Variants in RNF2 observed in about 807,000 individuals in gnomAD.
RNF2 encodes E3 ubiquitin-protein ligase RING2.
A neutral mutation model predicts 37.2 loss-of-function variants in RNF2; 6 were observed. The ratio of observed to expected loss-of-function variants is 0.16; its 90% CI spans 0.09 to 0.32. RNF2 has a LOEUF of 0.32. Among genes scored for constraint, RNF2 ranks in the 10% least tolerant of loss-of-function variants. The probability of loss-of-function intolerance (pLI) is 1.00; values close to 1 mark genes in which losing one functional copy is unlikely to be tolerated. For missense variants in RNF2, 251 were observed against 404.0 expected (o/e 0.62, Z 3.25); for synonymous variants, 133 against 132.7 (o/e 1.00, Z -0.02).
intron 4 of RNF2, 134 bp from the exon 5 acceptor site, chr1:185,097,938 A>G (rs745893862): frequency 1.1e-6 from 1 of 886,008 alleles, no homozygotes; most frequent in Non-Finnish European, 1.7e-6. Flanking sequence ...GGGAAACAAT[A>G]TCATCCAACT....
chr1:185,102,183 G>C lies in RNF2; in HGVS notation c.*1882G>C, dbSNP rs1652097088. On this transcript the variant is annotated 3_prime_UTR_variant, in exon 7 of 7. Transcript: ENST00000367510. ...AAACTGCATCATTAGTGAAATTATT[G>C]GTTGTGTAATCCTTTGTGAAATATA... 6.6e-6 allele frequency: 1 copy of C among 152,356 alleles called. No homozygotes were observed. Among genetic ancestry groups the C allele is most frequent in the South Asian group, 2.1e-4 (1 of 4,832 alleles). The allele number at this position is 152,356 out of a possible 1,614,324, so 9.4% of individuals were successfully genotyped here. A position where few individuals can be genotyped will look rare whatever the true frequency, so the allele number is the denominator to read the frequency against.
At chr1:185,057,735 C>CATGGTTTGT (rs1334169394) in intron 1 of RNF2, among the ~76,000 whole-genome samples, 34 of 151,678 alleles carry the variant, frequency 2.2e-4, no homozygotes, top group Middle Eastern at 6.8e-3. Flanking sequence ...CAAATACAGT[C>CATGGTTTGT]ATCCGTCTGT....
chr1:185,067,898 A>G (rs188680723), intron 1 of RNF2, among the ~76,000 whole-genome samples: 293 of 151,562 alleles, frequency 1.9e-3, no homozygotes, highest in Admixed American at 3.3e-3. Context: ...TTTAATACAG[A>G]TGGGGTTTCA....
chr1:185,100,001 A>G (rs771073687), intron 6 of RNF2, 39 bp downstream of exon 6: 29 of 1,559,286 alleles, frequency 1.9e-5, no homozygotes, highest in Non-Finnish European at 2.5e-5. Flanking sequence ...AACTGGGAGC[A>G]CACTGACCAA....
At position 185,100,830 on chromosome 1, in the gene RNF2, T is replaced by C. The variant is rs1278717658; in HGVS notation, c.*529T>C. ...AATTCTCATAGGATTATTCTTTTCA[T>C]GGTATTTTCTTCCATAATATCTCAT... is the stretch of plus-strand genomic sequence containing the variant. On this transcript the variant is annotated 3_prime_UTR_variant, in exon 7 of 7. Coordinates refer to ENST00000367510, the MANE Select transcript of RNF2 (RefSeq NM_007212.4). The C allele has an allele frequency of 1.3e-5, 2 of 152,476 alleles. No individual in the cohort carries two copies. Among genetic ancestry groups the C allele is most frequent in the African/African-American group, 4.8e-5 (2 of 41,444 alleles). The allele number at this position is 152,476 out of a possible 1,614,324, so 9.4% of individuals were successfully genotyped here.
At chr1:185,077,625 G>GTTTTTTTTTT (rs528747420) in intron 1 of RNF2, among the ~76,000 whole-genome samples, 8 of 115,668 alleles carry the variant, frequency 6.9e-5, no homozygotes, top group African/African-American at 1.6e-4. Flanking sequence ...AATTAACTTT[G>GTTTTTTTTTT]TTTTTTTTTT....
At chr1:185,068,317 A>G (rs1650861794) in intron 1 of RNF2, among the ~76,000 whole-genome samples, 1 of 152,172 alleles carries the variant, frequency 6.6e-6, no homozygotes, top group Non-Finnish European at 1.5e-5. Flanking sequence ...AGATATCTAC[A>G]TTCTGGTCTC....
intron 1 of RNF2, among the ~76,000 whole-genome samples, chr1:185,060,290 CATT>C (rs1171523000): frequency 2.6e-5 from 4 of 152,144 alleles, no homozygotes; most frequent in African/African-American, 9.7e-5. Context: ...TGATCTGTAT[CATT>C]AAGTCTACAG....
chr1:185,055,873 G>A (rs1650420758), intron 1 of RNF2, among the ~76,000 whole-genome samples: 1 of 152,038 alleles, frequency 6.6e-6, no homozygotes, highest in Non-Finnish European at 1.5e-5. Flanking sequence ...GCATATTTGT[G>A]AAGAAAACAG....
At chr1:185,063,743 T>C (rs930088733) in intron 1 of RNF2, among the ~76,000 whole-genome samples, 8 of 152,200 alleles carry the variant, frequency 5.3e-5, no homozygotes, top group Admixed American at 5.2e-4. Context: ...GAATTCATTT[T>C]CTTTCATTTT....
At chr1:185,089,534 A>G (rs1235071024) in intron 2 of RNF2, among the ~76,000 whole-genome samples, 3 of 152,180 alleles carry the variant, frequency 2.0e-5, no homozygotes, top group African/African-American at 7.2e-5. Flanking sequence ...GGTTGATTGG[A>G]ATCATGGTGC....
At chr1:185,051,417 A>T (rs552302922) in intron 1 of RNF2, among the ~76,000 whole-genome samples, 51 of 152,342 alleles carry the variant, frequency 3.3e-4, no homozygotes, top group African/African-American at 1.2e-3. Flanking sequence ...TAAAAAAAAT[A>T]AAAAATGCCA....
intron 4 of RNF2, among the ~76,000 whole-genome samples, chr1:185,096,284 T>G (rs1651907885): frequency 6.6e-6 from 1 of 152,232 alleles, no homozygotes; most frequent in African/African-American, 2.4e-5. Context: ...ATTTTCCATC[T>G]TAACCATTTG....
At chr1:185,100,084 G>C in intron 6 of RNF2, 116 bp from the exon 7 acceptor site, 1 of 1,191,176 alleles carries the variant, frequency 8.4e-7, no homozygotes, top group East Asian at 2.4e-5. Flanking sequence ...TAAGTGACAA[G>C]TAGTTATTCC....
chr1:185,076,315 G>T (rs1221702588), intron 1 of RNF2, among the ~76,000 whole-genome samples: 2 of 40,946 alleles, frequency 4.9e-5, no homozygotes, highest in Admixed American at 3.5e-4. Context: ...TTTTGAGACA[G>T]AGTCTCATTC....
At chr1:185,068,095 C>T (rs1350160533) in intron 1 of RNF2, among the ~76,000 whole-genome samples, 1 of 152,040 alleles carries the variant, frequency 6.6e-6, no homozygotes, top group African/African-American at 2.4e-5. Context: ...CCTCTGCCTC[C>T]CAGGTTCAAG....
intron 1 of RNF2, among the ~76,000 whole-genome samples, chr1:185,074,835 AG>A (rs1470797958): frequency 6.6e-6 from 1 of 152,092 alleles, no homozygotes; most frequent in East Asian, 1.9e-4. Flanking sequence ...ACACAGGAGG[AG>A]GGTATGTGTA....
At chr1:185,058,040 A>C (rs1294154348) in intron 1 of RNF2, among the ~76,000 whole-genome samples, 1 of 152,138 alleles carries the variant, frequency 6.6e-6, no homozygotes, top group Non-Finnish European at 1.5e-5. Flanking sequence ...TGGGAACATC[A>C]CCGGAGCCTG....
chr1:185,053,449 C>T (rs974411330), intron 1 of RNF2, among the ~76,000 whole-genome samples: 2 of 152,110 alleles, frequency 1.3e-5, no homozygotes, highest in Middle Eastern at 3.2e-3. Flanking sequence ...ATCCTCCCGC[C>T]TCAGCCGCCT....
Sources: allele counts gnomAD v4.1 joint callset (sites outside exome capture counted in the v4.1 genomes callset), GRCh38; gene constraint gnomAD v4.1.1; transcripts MANE v1.5; gene names NCBI Gene and HGNC (gene_info 2026-07-23, HGNC 2026-07-21).